Variants in ERBB4 observed in about 807,000 individuals in gnomAD.
The protein encoded by ERBB4 is receptor tyrosine-protein kinase erbB-4.
In ERBB4, 42 loss-of-function variants were observed where a neutral mutation model predicts 158.0. That is an observed-to-expected ratio of 0.27 (90% CI 0.21 to 0.34). The LOEUF (loss-of-function observed/expected upper bound fraction) is 0.34. Ranked by LOEUF, ERBB4 falls within the 10% of genes least tolerant of loss-of-function variation. The probability of loss-of-function intolerance (pLI) is 1.00; values close to 1 mark genes in which losing one functional copy is unlikely to be tolerated. For missense variants in ERBB4, 1,333 were observed against 1,624.1 expected, an observed-to-expected ratio of 0.82 and a Z score of 3.08; for synonymous variants, 583 against 558.7, an observed-to-expected ratio of 1.04 and a Z score of -0.61.
chr2:211,622,962 CAAAAAAAAAAAAAAAA>C (rs1157306563), intron 18 of ERBB4, among the ~76,000 whole-genome samples: 2 of 11,702 alleles, frequency 1.7e-4, no homozygotes, highest in African/African-American at 9.5e-4. Flanking sequence ...GACTCCATCT[CAAAAAAAAAAAAAAAA>C]AAAAAAAAAA....
intron 2 of ERBB4, among the ~76,000 whole-genome samples, chr2:211,990,272 T>C (rs1286681708): frequency 6.6e-6 from 1 of 151,942 alleles, no homozygotes; most frequent in Non-Finnish European, 1.5e-5. Flanking sequence ...AAAAAAGCCA[T>C]TAAAATATCT....
rs2106122851 is a variant in ERBB4 at position 211,722,546 on chromosome 2, C to A, written c.742-12G>T. The A allele has an allele frequency of 6.2e-7, 1 of 1,613,350 alleles. No homozygotes were observed. Among genetic ancestry groups the A allele is most frequent in the Non-Finnish European group, 8.5e-7 (1 of 1,179,346 alleles). ...AAATTCATGCAGGCCTGCAACACAG[C>A]AAATATTACTTTCATTTACAAATAA... is the stretch of plus-strand genomic sequence containing the variant. On this transcript the variant is annotated splice_polypyrimidine_tract_variant and intron_variant, in intron 6 of 27. Transcript: ENST00000342788.
chr2:212,332,189 T>C (rs2088210437), intron 1 of ERBB4, among the ~76,000 whole-genome samples: 1 of 151,994 alleles, frequency 6.6e-6, no homozygotes, highest in African/African-American at 2.4e-5. Context: ...TCGCATACTG[T>C]TCTCATGGTA....
chr2:212,440,840 A>C (rs1473819884), intron 1 of ERBB4, among the ~76,000 whole-genome samples: 1 of 152,188 alleles, frequency 6.6e-6, no homozygotes, highest in Admixed American at 6.5e-5. Context: ...CAAGGAACGT[A>C]ATGAAACTGG....
At chr2:211,395,416 T>A (rs1446497462) in intron 25 of ERBB4, among the ~76,000 whole-genome samples, 1 of 152,092 alleles carries the variant, frequency 6.6e-6, no homozygotes, top group Non-Finnish European at 1.5e-5. Context: ...ATGTACAATC[T>A]GTTATACCTT....
intron 1 of ERBB4, among the ~76,000 whole-genome samples, chr2:212,305,360 T>C (rs2086773277): frequency 6.6e-6 from 1 of 151,394 alleles, no homozygotes. Context: ...GGTTAATATA[T>C]TAATGATTTT....
At chr2:212,513,001 GCAC>G (rs1026265274) in intron 1 of ERBB4, among the ~76,000 whole-genome samples, 6 of 151,908 alleles carry the variant, frequency 3.9e-5, no homozygotes, top group African/African-American at 1.5e-4. Flanking sequence ...AACATCCTCC[GCAC>G]CACTTTTCCA....
At chr2:212,278,538 C>G (rs2085632535) in intron 1 of ERBB4, among the ~76,000 whole-genome samples, 1 of 151,608 alleles carries the variant, frequency 6.6e-6, no homozygotes, top group African/African-American at 2.4e-5. Flanking sequence ...GCCACACCAG[C>G]AAGAAAATGG....
intron 2 of ERBB4, among the ~76,000 whole-genome samples, chr2:212,107,016 C>A (rs2079249388): frequency 1.3e-5 from 2 of 152,350 alleles, no homozygotes; most frequent in Middle Eastern, 6.8e-3. Context: ...TGCAGAACAT[C>A]TGCTAGGGAA....
intron 1 of ERBB4, among the ~76,000 whole-genome samples, chr2:212,367,707 C>T (rs2089940893): frequency 6.6e-6 from 1 of 151,888 alleles, no homozygotes; most frequent in Non-Finnish European, 1.5e-5. Flanking sequence ...GGACTAATAC[C>T]CAGAATCTAC....
chr2:211,634,702 T>A (rs1322947705), intron 16 of ERBB4, among the ~76,000 whole-genome samples: 1 of 152,054 alleles, frequency 6.6e-6, no homozygotes, highest in Non-Finnish European at 1.5e-5. Context: ...TTAGATGGAG[T>A]CTTGCTCTGT....
intron 3 of ERBB4, among the ~76,000 whole-genome samples, chr2:211,905,012 C>A (rs1434912534): frequency 1.3e-5 from 2 of 152,062 alleles, no homozygotes; most frequent in South Asian, 2.1e-4. Context: ...ATATGTTGTT[C>A]TTTGTATTAG....
At chr2:211,936,431 AC>A (rs1204980577) in intron 3 of ERBB4, among the ~76,000 whole-genome samples, 1 of 152,054 alleles carries the variant, frequency 6.6e-6, no homozygotes, top group East Asian at 1.9e-4. Flanking sequence ...ACCATTTTTC[AC>A]TTTTTTCTTA....
At chr2:211,545,864 T>C (rs779531380) in intron 20 of ERBB4, among the ~76,000 whole-genome samples, 1 of 152,042 alleles carries the variant, frequency 6.6e-6, no homozygotes, top group Non-Finnish European at 1.5e-5. Flanking sequence ...GATAGATGAC[T>C]GTCATTAAGC....
intron 1 of ERBB4, among the ~76,000 whole-genome samples, chr2:212,296,033 T>A (rs2086398002): frequency 6.6e-6 from 1 of 152,028 alleles, no homozygotes; most frequent in Admixed American, 6.6e-5. Flanking sequence ...CCAGGATTGA[T>A]CAAGCTCTGT....
At chr2:211,994,641 C>T (rs1268530992) in intron 2 of ERBB4, among the ~76,000 whole-genome samples, 1 of 151,978 alleles carries the variant, frequency 6.6e-6, no homozygotes, top group African/African-American at 2.4e-5. Flanking sequence ...TTATTCCAGA[C>T]AATATTTCTG....
intron 3 of ERBB4, among the ~76,000 whole-genome samples, chr2:211,935,892 GGTT>G (rs1322221779): frequency 6.6e-6 from 1 of 151,954 alleles, no homozygotes; most frequent in Non-Finnish European, 1.5e-5. Context: ...TATTAATTAT[GGTT>G]GTTATTATTG....
Position 211,630,611 on chromosome 2 carries a change from G to GAAA in ERBB4, c.1947-20_1947-18dup, listed in dbSNP as rs57466272. ...AGGGGAGTTCTGACAACCAGAATGA[G>GAAA]AAAAAAAAAAATAAAAAGTATGAAG... is the stretch of plus-strand genomic sequence containing the variant. On this transcript the variant is annotated splice_polypyrimidine_tract_variant and intron_variant, in intron 16 of 27. Coordinates refer to ENST00000342788, the MANE Select transcript of ERBB4 (RefSeq NM_005235.3). The GAAA allele has an allele frequency of 6.1e-6, 8 of 1,315,322 alleles. No individual in the cohort carries two copies. Among genetic ancestry groups the GAAA allele is most frequent in the Middle Eastern group, 1.9e-4 (1 of 5,252 alleles). The allele number at this position is 1,315,322 out of a possible 1,614,324, so 81.5% of individuals were successfully genotyped here.
chr2:212,512,840 A>G (rs540435256), intron 1 of ERBB4, among the ~76,000 whole-genome samples: 12 of 152,332 alleles, frequency 7.9e-5, no homozygotes, highest in African/African-American at 2.6e-4. Flanking sequence ...AGCCCCTAGC[A>G]GAACATGAAA....
Sources: gnomAD v4.1 joint callset for allele counts (sites outside exome capture counted in the v4.1 genomes callset) on GRCh38, gnomAD v4.1.1 for gene constraint, MANE v1.5 for transcripts, NCBI Gene and HGNC (gene_info 2026-07-23, HGNC 2026-07-21) for gene names.